OLFM2: variants seen among roughly 807,000 people sequenced by gnomAD.
OLFM2 encodes olfactomedin 2.
A neutral mutation model predicts 43.9 loss-of-function variants in OLFM2; 20 were observed. The ratio of observed to expected loss-of-function variants is 0.46; its 90% confidence interval spans 0.32 to 0.66. OLFM2 has a LOEUF of 0.66. OLFM2 is among the 30% of genes least tolerant of loss of function. The pLI is 0.04. For synonymous variants in OLFM2, 268 were observed against 278.6 expected (o/e 0.96, Z 0.38); for missense variants, 416 against 643.6 (o/e 0.65, Z 3.83).
chr19:9,880,765 A>G (rs962612510), intron 1 of OLFM2, among the ~76,000 whole-genome samples: 1 of 152,136 alleles, frequency 6.6e-6, no homozygotes, highest in Non-Finnish European at 1.5e-5. Flanking sequence ...GGATTGTGAG[A>G]AATTAAATTT....
At chr19:9,887,667 G>A (rs1370142427) in intron 1 of OLFM2, among the ~76,000 whole-genome samples, 1 of 151,934 alleles carries the variant, frequency 6.6e-6, no homozygotes, top group African/African-American at 2.4e-5. Flanking sequence ...ACAGCAGCCA[G>A]AGAGCACCTG....
At chr19:9,910,897 T>C (rs1209109238) in intron 1 of OLFM2, among the ~76,000 whole-genome samples, 1 of 151,910 alleles carries the variant, frequency 6.6e-6, no homozygotes, top group Non-Finnish European at 1.5e-5. Context: ...AGAAAATGGA[T>C]GGGTAGATGA....
At chr19:9,906,683 CTT>C (rs1407492703) in intron 1 of OLFM2, among the ~76,000 whole-genome samples, 1 of 152,114 alleles carries the variant, frequency 6.6e-6, no homozygotes, top group Non-Finnish European at 1.5e-5. Context: ...GGCAGAGAAA[CTT>C]TGCAACTGGG....
At chr19:9,863,077 T>C (rs1013023403) in intron 1 of OLFM2, among the ~76,000 whole-genome samples, 3 of 151,588 alleles carry the variant, frequency 2.0e-5, no homozygotes, top group Non-Finnish European at 4.4e-5. Flanking sequence ...GTTCAAAACC[T>C]GAAGTCTTTG....
intron 1 of OLFM2, among the ~76,000 whole-genome samples, chr19:9,887,240 G>A (rs1248750473): frequency 2.0e-5 from 3 of 151,432 alleles, no homozygotes; most frequent in Non-Finnish European, 4.4e-5. Context: ...GTGCAGTGGT[G>A]TGATCTTGGC....
At chr19:9,926,446 G>A (rs1045659111) in intron 1 of OLFM2, among the ~76,000 whole-genome samples, 8 of 151,992 alleles carry the variant, frequency 5.3e-5, no homozygotes, top group African/African-American at 9.7e-5. Flanking sequence ...CAGCTATTCC[G>A]GAGGCTGAGA....
chr19:9,896,644 G>A (rs955834826), intron 1 of OLFM2, among the ~76,000 whole-genome samples: 24 of 152,212 alleles, frequency 1.6e-4, no homozygotes, highest in Non-Finnish European at 2.9e-4. Context: ...TTCCCTCTGC[G>A]CAGAGCATCC....
chr19:9,884,836 G>A (rs1211359549), intron 1 of OLFM2, among the ~76,000 whole-genome samples: 2 of 152,158 alleles, frequency 1.3e-5, no homozygotes, highest in East Asian at 3.8e-4. Flanking sequence ...CCATGCTATG[G>A]TCCCAACACC....
rs2046318337 is a variant in OLFM2 at position 9,856,439 on chromosome 19, A to C, written c.687+368T>G. On this transcript the variant is annotated intron_variant, in intron 5 of 5. Coordinates refer to ENST00000264833, the MANE Select transcript of OLFM2 (RefSeq NM_058164.4). This position sits in a 1 kb window ranked among gnomAD's most constrained non-coding sequence, Gnocchi z 4.0. ...TGTGTCTAAGTGATGGGCAGTCATG[A>C]CCATGGAAGCTACTAGAAGTCCGAA... 6.6e-6 allele frequency among the ~76,000 whole-genome samples: 1 copy of C among 152,180 alleles called. No homozygotes were observed. Among genetic ancestry groups the C allele is most frequent in the Non-Finnish European group, 1.5e-5 (1 of 68,022 alleles).
intron 1 of OLFM2, among the ~76,000 whole-genome samples, chr19:9,926,585 G>A (rs1240813880): frequency 6.9e-6 from 1 of 144,610 alleles, no homozygotes; most frequent in Admixed American, 6.6e-5. Flanking sequence ...AATGACTAAA[G>A]TGATAAATTT....
At chr19:9,862,200 A>T (rs1293409128) in intron 1 of OLFM2, among the ~76,000 whole-genome samples, 1 of 152,148 alleles carries the variant, frequency 6.6e-6, no homozygotes, top group Non-Finnish European at 1.5e-5. Context: ...CTAGAACCAC[A>T]TGCTGCAGTG....
In OLFM2 at chr19:9,854,070, G is replaced by T. The variant is rs572728232; in HGVS notation, c.*116C>A. The T allele has an allele frequency of 1.1e-6, 1 of 887,858 alleles. No individual in the cohort carries two copies. Among genetic ancestry groups the T allele is most frequent in the Non-Finnish European group, 1.7e-6 (1 of 574,942 alleles). The allele number at this position is 887,858 out of a possible 1,614,324, so 55.0% of individuals were successfully genotyped here. On this transcript the variant is annotated 3_prime_UTR_variant, in exon 6 of 6. Coordinates refer to ENST00000264833, the MANE Select transcript of OLFM2 (RefSeq NM_058164.4). The surrounding 1 kb of genome is among the most constrained non-coding windows in gnomAD (Gnocchi z 9.5). ...GAGAACAAAAGCCCAGCAAAAAGGC[G>T]GGGAGAAAGGGCGTGACAGAGACAG...
chr19:9,875,011 T>A (rs1044419235), intron 1 of OLFM2, among the ~76,000 whole-genome samples: 26 of 152,188 alleles, frequency 1.7e-4, no homozygotes, highest in Admixed American at 1.6e-3. Flanking sequence ...GCTTCCTAAA[T>A]GAACAAATAT....
At chr19:9,906,459 A>C (rs7246906) in intron 1 of OLFM2, among the ~76,000 whole-genome samples, 94,079 of 151,938 alleles carry the variant, frequency 0.62, 29,346 homozygotes, top group African/African-American at 0.67. Context: ...CAGAAATGAC[A>C]AGACAAGAAA....
chr19:9,856,918 G>A lies in OLFM2; in HGVS notation c.581-5C>T, dbSNP rs2046323744. 5.6e-6 allele frequency: 9 copies of A among 1,601,092 alleles called. No homozygotes were observed. The highest frequency in any genetic ancestry group is 7.7e-6 in the Non-Finnish European group (9 of 1,172,864). On this transcript the variant is annotated splice_region_variant and splice_polypyrimidine_tract_variant and intron_variant, in intron 4 of 5. Transcript: ENST00000264833. The surrounding 1 kb of genome is among the most constrained non-coding windows in gnomAD (Gnocchi z 4.0). Reference sequence around the variant, plus strand: ...CCCCGGTCAGCTTCCCACAGCCTGGGAGGCAGGAACAGGGGGAATGAGGAT... The same window carrying A: ...CCCCGGTCAGCTTCCCACAGCCTGGAAGGCAGGAACAGGGGGAATGAGGAT...
At chr19:9,871,533 A>G (rs1599471661) in intron 1 of OLFM2, among the ~76,000 whole-genome samples, 1 of 149,350 alleles carries the variant, frequency 6.7e-6, no homozygotes, top group South Asian at 2.1e-4. Context: ...AGATCCCGCC[A>G]TTGCACTCCA....
At position 9,854,867 on chromosome 19, in the gene OLFM2, TG is replaced by T; in HGVS notation, c.688-5del. On this transcript the variant is annotated splice_polypyrimidine_tract_variant and splice_region_variant and intron_variant, in intron 5 of 5. Transcript: ENST00000264833. This position sits in a 1 kb window ranked among gnomAD's most constrained non-coding sequence, Gnocchi z 9.5. ...AATAGCCATCCATGTACCAGACCTA[TG>T]GTAGCAGCCGCTGGTCACTGGGGGG... The T allele has an allele frequency of 6.4e-7, 1 of 1,571,110 alleles. No individual in the cohort carries two copies.
At chr19:9,867,762 G>T (rs766148255) in intron 1 of OLFM2, among the ~76,000 whole-genome samples, 1 of 152,058 alleles carries the variant, frequency 6.6e-6, no homozygotes, top group East Asian at 1.9e-4. Flanking sequence ...CATTTTATTC[G>T]GCCAATCCAA....
At chr19:9,863,062 C>T (rs574717255) in intron 1 of OLFM2, among the ~76,000 whole-genome samples, 4 of 150,732 alleles carry the variant, frequency 2.7e-5, no homozygotes, top group Non-Finnish European at 4.4e-5. Flanking sequence ...ACGTAGGCGT[C>T]GTTTGTTCAA....
Sources: allele counts gnomAD v4.1 joint callset (sites outside exome capture counted in the v4.1 genomes callset), GRCh38; gene constraint gnomAD v4.1.1; non-coding constraint Gnocchi (gnomAD v3.1); transcripts MANE v1.5; gene names NCBI Gene and HGNC (gene_info 2026-07-23, HGNC 2026-07-21).